The following GPHN variants were observed in gnomAD, a reference collection of about 807,000 sequenced individuals.
GPHN encodes gephyrin.
GPHN carries 17 observed loss-of-function variants against 95.5 expected under a neutral mutation model. The ratio of observed to expected loss-of-function variants is 0.18; its 90% CI spans 0.12 to 0.27. GPHN has a LOEUF of 0.27. GPHN is among the 10% of genes least tolerant of loss of function. The pLI, the probability that GPHN is intolerant of heterozygous loss-of-function variation, is 1.00. For synonymous variants in GPHN, 320 were observed against 322.5 expected (o/e 0.99, Z 0.08); for missense variants, 660 against 978.1 (o/e 0.67, Z 4.34).
the GPHN span, among the ~76,000 whole-genome samples, chr14:67,373,239 T>G: frequency 6.6e-6 from 1 of 152,222 alleles, no homozygotes; most frequent in Non-Finnish European, 1.5e-5. Flanking sequence ...GTGATGGAAC[T>G]TGATTTTGGT....
chr14:66,645,955 G>A (rs1303811253), intron 1 of GPHN, among the ~76,000 whole-genome samples: 2 of 151,908 alleles, frequency 1.3e-5, no homozygotes, highest in South Asian at 2.1e-4. Context: ...CACATCTTCC[G>A]TTCTCTGATA....
At chr14:67,678,921 G>A in the GPHN span, among the ~76,000 whole-genome samples, 3 of 152,106 alleles carry the variant, frequency 2.0e-5, no homozygotes, top group South Asian at 2.1e-4. Flanking sequence ...AGCCAGCTTC[G>A]AAAACAACAA....
chr14:67,733,879 C>T, the GPHN span: 4 of 1,492,318 alleles, frequency 2.7e-6, no homozygotes, highest in Non-Finnish European at 3.7e-6. Context: ...TTATCAGGCC[C>T]AATCCATGCC....
intron 11 of GPHN, among the ~76,000 whole-genome samples, chr14:67,069,739 G>A (rs868543008): frequency 1.3e-5 from 2 of 152,174 alleles, no homozygotes; most frequent in Non-Finnish European, 2.9e-5. Flanking sequence ...TCTGGATCCT[G>A]TATGCATTTT....
chr14:67,252,125 A>T, the GPHN span, among the ~76,000 whole-genome samples: 1 of 152,166 alleles, frequency 6.6e-6, no homozygotes, highest in Non-Finnish European at 1.5e-5. Flanking sequence ...ATAATAAACC[A>T]GTAATAGTAA....
intron 2 of GPHN, among the ~76,000 whole-genome samples, chr14:66,694,777 T>C (rs58051837): frequency 0.019 from 2,895 of 152,236 alleles, 107 homozygotes; most frequent in African/African-American, 0.066. Flanking sequence ...AGCCACAGAC[T>C]GGGAGAAATA....
the GPHN span, chr14:67,204,783 C>T: frequency 6.2e-7 from 1 of 1,613,886 alleles, no homozygotes; most frequent in Non-Finnish European, 8.5e-7. Context: ...TCACAGGCTC[C>T]ATGGATGTGA....
At chr14:66,766,256 T>A (rs752920695) in intron 2 of GPHN, among the ~76,000 whole-genome samples, 1 of 152,146 alleles carries the variant, frequency 6.6e-6, no homozygotes, top group Non-Finnish European at 1.5e-5. Flanking sequence ...AAACAGAATT[T>A]GAGTGTCTGA....
intron 8 of GPHN, among the ~76,000 whole-genome samples, chr14:66,930,589 A>G (rs1312151099): frequency 6.7e-6 from 1 of 149,860 alleles, no homozygotes; most frequent in African/African-American, 2.5e-5. Flanking sequence ...GTAATGGTAT[A>G]ATCACGGCTC....
At chr14:67,304,771 G>A in the GPHN span, among the ~76,000 whole-genome samples, 4 of 152,060 alleles carry the variant, frequency 2.6e-5, no homozygotes, top group South Asian at 8.3e-4. Flanking sequence ...GTGTACATGA[G>A]TGAATTGTAT....
chr14:67,360,936 C>T, the GPHN span, among the ~76,000 whole-genome samples: 1 of 152,140 alleles, frequency 6.6e-6, no homozygotes, highest in Non-Finnish European at 1.5e-5. Flanking sequence ...ACCTGTGGGA[C>T]GGGCACCGTG....
At chr14:67,212,059 A>C in the GPHN span, among the ~76,000 whole-genome samples, 1 of 152,056 alleles carries the variant, frequency 6.6e-6, no homozygotes, top group Non-Finnish European at 1.5e-5. Flanking sequence ...TGCTAAAATG[A>C]ATAATAGAAT....
intron 21 of GPHN, among the ~76,000 whole-genome samples, chr14:67,173,864 TA>T (rs138527141): frequency 6.0e-5 from 9 of 150,376 alleles, no homozygotes; most frequent in East Asian, 3.9e-4. Context: ...TTAGGAATCA[TA>T]AAAAAAAACA....
chr14:66,670,459 A>G (rs1481427975), intron 1 of GPHN, among the ~76,000 whole-genome samples: 1 of 152,128 alleles, frequency 6.6e-6, no homozygotes, highest in Non-Finnish European at 1.5e-5. Context: ...GCTCTCTATA[A>G]TGCCTCGTAA....
At chr14:67,557,874 A>C in the GPHN span, among the ~76,000 whole-genome samples, 1 of 152,204 alleles carries the variant, frequency 6.6e-6, no homozygotes, top group Non-Finnish European at 1.5e-5. Context: ...CCCTGCCAAG[A>C]TGAGATACTT....
chr14:67,222,025 G>A, the GPHN span: 1 of 532,598 alleles, frequency 1.9e-6, no homozygotes. Context: ...AAAACATTAT[G>A]GTACTTTACT....
At chr14:67,084,917 A>T (rs1227168372) in intron 11 of GPHN, among the ~76,000 whole-genome samples, 2 of 152,264 alleles carry the variant, frequency 1.3e-5, no homozygotes, top group African/African-American at 2.4e-5. Context: ...CAGAAACTGG[A>T]CATTTGTCAG....
intron 1 of GPHN, among the ~76,000 whole-genome samples, chr14:66,655,713 TAAG>T (rs1401175379): frequency 6.6e-6 from 1 of 152,054 alleles, no homozygotes; most frequent in Non-Finnish European, 1.5e-5. Context: ...TTTTTATCAT[TAAG>T]AATGATGTTA....
At position 66,692,755 on chromosome 14, in the gene GPHN, G is replaced by A. The variant is rs568070392; in HGVS notation, c.143+11570G>A. ...TTAGATTGCTTGAATTGAATGGCTT[G>A]TATTGTTGTTATGAAATACCAAAGA... On this transcript the variant is annotated intron_variant, in intron 2 of 22. Transcript: ENST00000478722. 3.2e-4 allele frequency among the ~76,000 whole-genome samples: 49 copies of A among 152,206 alleles called. No individual in the cohort carries two copies. In the South Asian group the frequency reaches 9.7e-3, roughly 30 times the overall value.
Sources: gnomAD v4.1 joint callset for allele counts (sites outside exome capture counted in the v4.1 genomes callset) on GRCh38, gnomAD v4.1.1 for gene constraint, MANE v1.5 for transcripts, NCBI Gene and HGNC (gene_info 2026-07-23, HGNC 2026-07-21) for gene names.